SEZ6L: variants seen among roughly 807,000 people sequenced by gnomAD.
SEZ6L encodes seizure 6-like protein.
SEZ6L carries 37 observed loss-of-function variants against 106.2 expected under a neutral mutation model. The observed-to-expected ratio is 0.35, with a 90% confidence interval of 0.27 to 0.46. The LOEUF (loss-of-function observed/expected upper bound fraction) is 0.46, where lower values mean the gene tolerates loss of function less well. Among genes scored for constraint, SEZ6L ranks in the 20% least tolerant of loss-of-function variants. The pLI, the probability that SEZ6L is intolerant of heterozygous loss-of-function variation, is 1.00. For missense variants in SEZ6L, 1,172 were observed against 1,332.8 expected (o/e 0.88, Z 1.88); for synonymous variants, 541 against 570.4 (o/e 0.95, Z 0.73).
intron 12 of SEZ6L, among the ~76,000 whole-genome samples, chr22:26,355,054 C>T (rs1312817403): frequency 6.6e-6 from 1 of 152,222 alleles, no homozygotes; most frequent in African/African-American, 2.4e-5. Flanking sequence ...GTTCTGAAGG[C>T]ATTTTTAAGG....
intron 1 of SEZ6L, among the ~76,000 whole-genome samples, chr22:26,211,598 A>C (rs2078158953): frequency 2.0e-5 from 3 of 152,110 alleles, no homozygotes; most frequent in Admixed American, 2.0e-4. Context: ...GAGCCAATAG[A>C]AATCAAGAAA....
chr22:26,286,822 A>G (rs149695700), intron 1 of SEZ6L, among the ~76,000 whole-genome samples: 201 of 143,788 alleles, frequency 1.4e-3, no homozygotes, highest in African/African-American at 4.7e-3. Context: ...ATCTCGGCTC[A>G]CTGCCACCTC....
At chr22:26,270,882 A>G (rs543928138) in intron 1 of SEZ6L, among the ~76,000 whole-genome samples, 1 of 152,218 alleles carries the variant, frequency 6.6e-6, no homozygotes, top group Admixed American at 6.5e-5. Flanking sequence ...CCACCTTGAA[A>G]CTTCATTAAA....
At chr22:26,304,685 T>A (rs1445537368) in intron 5 of SEZ6L, among the ~76,000 whole-genome samples, 1 of 152,212 alleles carries the variant, frequency 6.6e-6, no homozygotes, top group Non-Finnish European at 1.5e-5. Flanking sequence ...AACAAATCAC[T>A]TTTATATTCA....
Position 26,340,418 on chromosome 22 carries a change from T to C in SEZ6L, c.2016-18T>C. ...ATTCTCTATTTCACATGACTCTCCC[T>C]CTTCTCTGCCCTCCAAGCCTGAATC... On this transcript the variant is annotated intron_variant, in intron 9 of 16. Coordinates refer to ENST00000248933, the MANE Select transcript of SEZ6L (RefSeq NM_021115.5). 8 of 1,596,788 alleles carry C rather than the reference T, an allele frequency of 5.0e-6. No homozygotes were observed. Among genetic ancestry groups the C allele is most frequent in the Non-Finnish European group, 6.8e-6 (8 of 1,172,248 alleles).
Position 26,351,174 on chromosome 22 carries a change from T to C in SEZ6L, c.2530T>C (p.Ser844Pro), listed in dbSNP as rs752657976. The change falls in exon 12 of 17, where the codon TCT (serine) becomes CCT (proline). Residue 844 changes from serine (S) to proline (P), a missense_variant. Ser to Pro is a moderately conservative substitution (Grantham distance 74). Around this residue, in one of 4 missense-constraint regions of SEZ6L, gnomAD observed 534 missense variants for 691.0 expected, o/e 0.77. Transcript: ENST00000248933. ...CNPGFVLEGSSLLTCYSRETG... is the reference protein window; with the variant it reads ...CNPGFVLEGSPLLTCYSRETG... Reference sequence around the variant, plus strand: ...CCCCGGTTTTGTGCTTGAAGGGAGTTCTCTTCTGACCTGCTACAGCCGTGA... The same window carrying C: ...CCCCGGTTTTGTGCTTGAAGGGAGTCCTCTTCTGACCTGCTACAGCCGTGA... 1 of 1,614,116 alleles carries C rather than the reference T, an allele frequency of 6.2e-7. No homozygotes were observed. The highest frequency in any genetic ancestry group is 1.1e-5 in the South Asian group (1 of 91,068).
intron 1 of SEZ6L, among the ~76,000 whole-genome samples, chr22:26,266,582 TAAATAAATAAATAAATAAATAAA>T (rs1569431033): frequency 2.3e-5 from 1 of 43,090 alleles, no homozygotes; most frequent in African/African-American, 1.5e-4. Flanking sequence ...CAAAAATAAA[TAAATAAATAAATAAATAAATAAA>T]TAAATAAATA....
chr22:26,297,161 GC>G, intron 4 of SEZ6L, 81 bp downstream of exon 4: 2 of 1,182,830 alleles, frequency 1.7e-6, no homozygotes, highest in Non-Finnish European at 2.3e-6. Context: ...AACTTTTTGT[GC>G]CAGGGACCTC....
At chr22:26,310,307 G>A (rs917710450) in intron 6 of SEZ6L, among the ~76,000 whole-genome samples, 7 of 152,102 alleles carry the variant, frequency 4.6e-5, no homozygotes, top group Non-Finnish European at 7.4e-5. Flanking sequence ...AGGCCAAGGC[G>A]GGTGGATCAC....
At chr22:26,361,515 A>C (rs2083629719) in intron 12 of SEZ6L, among the ~76,000 whole-genome samples, 1 of 136,882 alleles carries the variant, frequency 7.3e-6, no homozygotes, top group Non-Finnish European at 1.5e-5. Context: ...TCAAAAAAAA[A>C]AAAAAATATA....
chr22:26,193,679 C>G (rs1016777748), intron 1 of SEZ6L, among the ~76,000 whole-genome samples: 11 of 152,138 alleles, frequency 7.2e-5, no homozygotes, highest in African/African-American at 2.7e-4. Context: ...TTTTGAAAAG[C>G]AATTTTCTCT....
chr22:26,365,304 G>A (rs749752170), intron 12 of SEZ6L, 68 bp from the exon 13 acceptor site: 251 of 1,401,802 alleles, frequency 1.8e-4, no homozygotes, highest in Non-Finnish European at 2.3e-4. Context: ...TAGATCACAC[G>A]GGTTCTGAGC....
chr22:26,186,080 C>T (rs967290514), intron 1 of SEZ6L, among the ~76,000 whole-genome samples: 3 of 151,992 alleles, frequency 2.0e-5, no homozygotes, highest in African/African-American at 4.8e-5. Flanking sequence ...ACAGGTTTGC[C>T]GCACACCGGG....
At chr22:26,236,591 T>C (rs1382862596) in intron 1 of SEZ6L, among the ~76,000 whole-genome samples, 1 of 138,376 alleles carries the variant, frequency 7.2e-6, no homozygotes. Context: ...AAGTTGGTTA[T>C]AGACTAAACC....
At chr22:26,279,123 T>A (rs944008540) in intron 1 of SEZ6L, among the ~76,000 whole-genome samples, 2 of 152,202 alleles carry the variant, frequency 1.3e-5, no homozygotes, top group East Asian at 3.8e-4. Context: ...GCATTCCCCT[T>A]GGGCATTTCC....
In SEZ6L at chr22:26,381,104, A is replaced by T. The variant is rs1047253942; in HGVS notation, c.*809A>T. 1 of 152,162 alleles carries T rather than the reference A, an allele frequency of 6.6e-6. No individual in the cohort carries two copies. Among genetic ancestry groups the T allele is most frequent in the Non-Finnish European group, 1.5e-5 (1 of 68,042 alleles). 9.4% of individuals were successfully genotyped at this position (152,162 alleles called of 1,614,324 possible). On this transcript the variant is annotated 3_prime_UTR_variant, in exon 17 of 17. Coordinates refer to ENST00000248933, the MANE Select transcript of SEZ6L (RefSeq NM_021115.5). ...CTCTTTCAATGATGAAAGAGCGTGT[A>T]ATTTATGCTACAAGTGCCAGAATCG...
chr22:26,348,703 A>AAGC (rs2083149485), intron 11 of SEZ6L, among the ~76,000 whole-genome samples: 1 of 41,480 alleles, frequency 2.4e-5, no homozygotes, highest in African/African-American at 1.1e-4. Context: ...AGAAAGAAAG[A>AAGC]AGGCAAGGGA....
At chr22:26,356,990 T>C (rs1030531545) in intron 12 of SEZ6L, among the ~76,000 whole-genome samples, 5 of 151,876 alleles carry the variant, frequency 3.3e-5, no homozygotes, top group Non-Finnish European at 7.4e-5. Context: ...CTGGCTCTGT[T>C]GCCCAGGCCG....
chr22:26,302,896 C>G (rs111260980), intron 5 of SEZ6L, among the ~76,000 whole-genome samples: 4,157 of 152,292 alleles, frequency 0.027, 184 homozygotes, highest in African/African-American at 0.094. Flanking sequence ...GGCCAGAGCC[C>G]CCCACCAGGG....
Sources: allele counts gnomAD v4.1 joint callset (sites outside exome capture counted in the v4.1 genomes callset), GRCh38; gene constraint gnomAD v4.1.1; regional missense constraint gnomAD v4.1.1; transcripts MANE v1.5; gene names NCBI Gene and HGNC (gene_info 2026-07-23, HGNC 2026-07-21).